IFT56: variants seen among roughly 807,000 people sequenced by gnomAD.
IFT56 encodes intraflagellar transport 56.
chr7:139,166,878 G>A, the IFT56 span: 4 of 1,585,668 alleles, frequency 2.5e-6, no homozygotes, highest in Non-Finnish European at 3.5e-6. Context: ...TAAGGATCTG[G>A]AACCTACTAC....
At chr7:139,142,414 G>T in the IFT56 span, 1 of 1,003,144 alleles carries the variant, frequency 1.0e-6, no homozygotes. Context: ...TCTTGTTAAT[G>T]GTTTTCTAGA....
At chr7:139,145,485 C>T in the IFT56 span, among the ~76,000 whole-genome samples, 4 of 151,950 alleles carry the variant, frequency 2.6e-5, no homozygotes, top group South Asian at 2.1e-4. Context: ...AGTGCAATGG[C>T]GCCATCTCAG....
At chr7:139,173,936 T>G in the IFT56 span, 1 of 694,174 alleles carries the variant, frequency 1.4e-6, no homozygotes, top group Non-Finnish European at 2.7e-6. Context: ...CAATATCACT[T>G]TCTTCACTTA....
At chr7:139,172,341 C>T in the IFT56 span, among the ~76,000 whole-genome samples, 1 of 152,180 alleles carries the variant, frequency 6.6e-6, no homozygotes, top group African/African-American at 2.4e-5. Context: ...GAAACAATTC[C>T]TAACAGAATA....
the IFT56 span, chr7:139,168,553 TTA>T: frequency 1.5e-6 from 1 of 648,282 alleles, no homozygotes; most frequent in Non-Finnish European, 2.8e-6. Flanking sequence ...GAAAAGAATG[TTA>T]TGTTATTTAG....
the IFT56 span, chr7:139,134,507 G>A: frequency 1.3e-6 from 1 of 765,726 alleles, no homozygotes; most frequent in Non-Finnish European, 1.9e-6. Context: ...CTGACCTCGT[G>A]ATCCGCCGCC....
At chr7:139,151,495 A>G in the IFT56 span, among the ~76,000 whole-genome samples, 3 of 152,104 alleles carry the variant, frequency 2.0e-5, no homozygotes. Flanking sequence ...TTGGAATCAG[A>G]TAGACCCAAA....
the IFT56 span, chr7:139,139,815 C>A: frequency 1.1e-6 from 1 of 912,334 alleles, no homozygotes; most frequent in East Asian, 2.5e-5. Flanking sequence ...GTATGAAATC[C>A]TATTCCATTG....
the IFT56 span, among the ~76,000 whole-genome samples, chr7:139,150,168 C>A: frequency 6.6e-6 from 1 of 152,130 alleles, no homozygotes; most frequent in Admixed American, 6.6e-5. Flanking sequence ...AAAATGCATT[C>A]TTGGGGTAAT....
At chr7:139,180,900 C>T in the IFT56 span, among the ~76,000 whole-genome samples, 1 of 152,158 alleles carries the variant, frequency 6.6e-6, no homozygotes, top group African/African-American at 2.4e-5. Context: ...TGACTCCTAA[C>T]TTAAATATTT....
chr7:139,161,409 A>G, the IFT56 span: 5 of 172,528 alleles, frequency 2.9e-5, no homozygotes, highest in Non-Finnish European at 6.1e-5. Flanking sequence ...AGGCTGACAT[A>G]TGTAAAAGAT....
chr7:139,181,103 A>G, the IFT56 span: 4 of 1,605,588 alleles, frequency 2.5e-6, no homozygotes, highest in Admixed American at 1.7e-5. Context: ...TATTATGAAT[A>G]AGAAACCAAG....
chr7:139,135,915 C>T, the IFT56 span, among the ~76,000 whole-genome samples: 2 of 149,564 alleles, frequency 1.3e-5, no homozygotes, highest in Admixed American at 1.3e-4. Flanking sequence ...AGTTCACTTT[C>T]TTTTTTTTTT....
At chr7:139,174,594 G>C in the IFT56 span, among the ~76,000 whole-genome samples, 7 of 152,058 alleles carry the variant, frequency 4.6e-5, no homozygotes, top group African/African-American at 7.2e-5. Context: ...CCCACAGAAT[G>C]GAGAAAATGT....
the IFT56 span, among the ~76,000 whole-genome samples, chr7:139,164,065 T>C: frequency 2.0e-5 from 3 of 152,354 alleles, no homozygotes; most frequent in East Asian, 5.8e-4. Flanking sequence ...GTAACACTTA[T>C]TATCACCTGA....
At chr7:139,181,074 C>A in the IFT56 span, 3 of 1,498,634 alleles carry the variant, frequency 2.0e-6, no homozygotes, top group Non-Finnish European at 2.8e-6. Flanking sequence ...GTTTACAAAT[C>A]TTTGTTTCCT....
chr7:139,174,026 T>C, the IFT56 span: 1 of 612,696 alleles, frequency 1.6e-6, no homozygotes, highest in Non-Finnish European at 3.2e-6. Context: ...TGAGGAGGCC[T>C]TTTAAGACAG....
chr7:139,173,183 T>C, the IFT56 span: 1 of 593,082 alleles, frequency 1.7e-6, no homozygotes, highest in Non-Finnish European at 3.1e-6. Flanking sequence ...TTAGTGTTTA[T>C]GGCACTTTCC....
chr7:139,159,671 A>G, the IFT56 span, among the ~76,000 whole-genome samples: 1 of 152,222 alleles, frequency 6.6e-6, no homozygotes, highest in African/African-American at 2.4e-5. Context: ...TAAGCCAGAC[A>G]TTAAAGAGAT....
Sources: allele counts gnomAD v4.1 joint callset (sites outside exome capture counted in the v4.1 genomes callset), GRCh38; gene constraint gnomAD v4.1.1; transcripts MANE v1.5; gene names NCBI Gene and HGNC (gene_info 2026-07-23, HGNC 2026-07-21).